The following FAM53B variants were observed in gnomAD, a reference collection of about 807,000 sequenced individuals.
FAM53B encodes family with sequence similarity 53 member B.
FAM53B carries 12 observed loss-of-function variants against 32.7 expected under a neutral mutation model. That is an observed-to-expected ratio of 0.37 (90% confidence interval 0.24 to 0.59). The LOEUF (loss-of-function observed/expected upper bound fraction) is 0.59, where lower values mean the gene tolerates loss of function less well. Among genes scored for constraint, FAM53B ranks in the 20% least tolerant of loss-of-function variants. The pLI, the probability that FAM53B is intolerant of heterozygous loss-of-function variation, is 0.72. For synonymous variants in FAM53B, 234 were observed against 228.7 expected (o/e 1.02, Z -0.21); for missense variants, 477 against 577.7 (o/e 0.83, Z 1.79).
intron 4 of FAM53B, among the ~76,000 whole-genome samples, chr10:124,640,104 C>T (rs1949460854): frequency 6.6e-6 from 1 of 152,240 alleles, no homozygotes; most frequent in African/African-American, 2.4e-5. Flanking sequence ...TAAAAATTCC[C>T]AACTACAAGG....
At position 124,624,980 on chromosome 10, in the gene FAM53B, A is replaced by G. The variant is rs200039929; in HGVS notation, c.907-1376T>C. Among the ~76,000 whole-genome samples the G allele has an allele frequency of 6.6e-5, 10 of 152,328 alleles. No individual in the cohort carries two copies. The East Asian group carries it at 1.9e-3, about 29-fold the overall frequency. ...TTCCAGCCTTTAGTTTCTTCCCAGCAGATGGGTGGGGACTGGGGAAGCAAA... is the reference window on the plus strand; with the variant it reads ...TTCCAGCCTTTAGTTTCTTCCCAGCGGATGGGTGGGGACTGGGGAAGCAAA... On this transcript the variant is annotated intron_variant, in intron 4 of 4. Transcript: ENST00000337318.
intron 3 of FAM53B, among the ~76,000 whole-genome samples, chr10:124,689,712 G>T (rs1486842203): frequency 6.6e-6 from 1 of 152,268 alleles, no homozygotes; most frequent in Non-Finnish European, 1.5e-5. Flanking sequence ...GCCCTTACCA[G>T]CAGAGTTGGG....
intron 4 of FAM53B, among the ~76,000 whole-genome samples, chr10:124,670,531 C>A (rs4962397): frequency 0.15 from 22,786 of 152,108 alleles, 2,394 homozygotes; most frequent in East Asian, 0.39. Flanking sequence ...GGAACCTGTC[C>A]CCCCAGCTTC....
chr10:124,683,396 T>C (rs1949784786), intron 3 of FAM53B, among the ~76,000 whole-genome samples: 1 of 152,202 alleles, frequency 6.6e-6, no homozygotes. Context: ...CTCGAGCCTA[T>C]ATATATTTAT....
At chr10:124,668,749 C>G (rs1052552230) in intron 4 of FAM53B, among the ~76,000 whole-genome samples, 1 of 152,278 alleles carries the variant, frequency 6.6e-6, no homozygotes, top group African/African-American at 2.4e-5. Context: ...GTGGGCCCAG[C>G]AAGTGTGCAC....
intron 1 of FAM53B, among the ~76,000 whole-genome samples, chr10:124,734,836 C>T (rs928564218): frequency 2.0e-5 from 3 of 152,220 alleles, no homozygotes; most frequent in African/African-American, 7.2e-5. Context: ...CGATGCTCAC[C>T]AGACCCAGGG....
chr10:124,698,744 C>T (rs866180077), intron 2 of FAM53B, among the ~76,000 whole-genome samples: 3 of 152,154 alleles, frequency 2.0e-5, no homozygotes, highest in Non-Finnish European at 2.9e-5. Context: ...ACCGCTCTTA[C>T]AGCCTGTACC....
chr10:124,738,780 C>T (rs1432938516), intron 1 of FAM53B, among the ~76,000 whole-genome samples: 1 of 152,078 alleles, frequency 6.6e-6, no homozygotes, highest in African/African-American at 2.4e-5. Context: ...TACTTTGAGA[C>T]ATCTGAATTA....
At chr10:124,725,712 G>A (rs778665561) in intron 1 of FAM53B, among the ~76,000 whole-genome samples, 1 of 152,226 alleles carries the variant, frequency 6.6e-6, no homozygotes, top group African/African-American at 2.4e-5. Flanking sequence ...GATGGTGTGT[G>A]TTAGTGATAG....
chr10:124,659,616 A>G (rs1192028929), intron 4 of FAM53B, among the ~76,000 whole-genome samples: 1 of 152,240 alleles, frequency 6.6e-6, no homozygotes, highest in Non-Finnish European at 1.5e-5. Context: ...CAGCCAGCTG[A>G]GGCTTTTAAA....
chr10:124,657,909 A>G (rs1035001761), intron 4 of FAM53B, among the ~76,000 whole-genome samples: 7 of 152,212 alleles, frequency 4.6e-5, no homozygotes, highest in African/African-American at 1.7e-4. Context: ...GCTTGCAGCC[A>G]GCCTACTCCA....
chr10:124,623,179 T>TA lies in FAM53B; in HGVS notation c.*62dup. 2 of 1,510,412 alleles carry TA rather than the reference T, an allele frequency of 1.3e-6. No homozygotes were observed. Among genetic ancestry groups the TA allele is most frequent in the East Asian group, 4.6e-5 (2 of 43,250 alleles). 93.6% of individuals were successfully genotyped at this position (1,510,412 alleles called of 1,614,324 possible). On this transcript the variant is annotated 3_prime_UTR_variant, in exon 5 of 5. Transcript: ENST00000337318. ...TTGGGCTCCCCTTCAAGGGCCCACC[T>TA]AGTGCCCAGAGTGGGGGCTGTCGAT...
intron 4 of FAM53B, among the ~76,000 whole-genome samples, chr10:124,675,661 C>T (rs746509662): frequency 1.4e-4 from 22 of 152,340 alleles, no homozygotes; most frequent in African/African-American, 3.6e-4. Context: ...TATCTGACTC[C>T]GAAGCTCCCA....
chr10:124,701,034 T>C (rs370779527), intron 2 of FAM53B, among the ~76,000 whole-genome samples: 1 of 152,246 alleles, frequency 6.6e-6, no homozygotes, highest in Non-Finnish European at 1.5e-5. Flanking sequence ...ACGCTGGCCC[T>C]GACTCCTGAG....
At chr10:124,639,280 G>A (rs559910769) in intron 4 of FAM53B, among the ~76,000 whole-genome samples, 1 of 152,296 alleles carries the variant, frequency 6.6e-6, no homozygotes, top group South Asian at 2.1e-4. Flanking sequence ...CCAGGTTCAG[G>A]CACTCAGGAA....
intron 3 of FAM53B, among the ~76,000 whole-genome samples, chr10:124,690,378 C>T (rs1949826050): frequency 6.6e-6 from 1 of 152,228 alleles, no homozygotes; most frequent in Admixed American, 6.5e-5. Flanking sequence ...TGACAGAGCC[C>T]AGACGTCAAC....
chr10:124,739,519 G>A (rs1950189533), intron 1 of FAM53B, among the ~76,000 whole-genome samples: 2 of 152,244 alleles, frequency 1.3e-5, no homozygotes. Context: ...AAAAGAGTGA[G>A]TGGAGAAGTC....
chr10:124,692,113 A>G (rs1413402225), intron 3 of FAM53B, among the ~76,000 whole-genome samples: 7 of 152,354 alleles, frequency 4.6e-5, no homozygotes, highest in Admixed American at 2.6e-4. Context: ...AAGATGAGAA[A>G]GGAAGCCAAG....
intron 4 of FAM53B, among the ~76,000 whole-genome samples, chr10:124,662,131 C>T (rs1439946076): frequency 6.6e-6 from 1 of 152,226 alleles, no homozygotes; most frequent in Non-Finnish European, 1.5e-5. Context: ...CAGACCCCCT[C>T]CTGGGGAGTG....
Sources: gnomAD v4.1 joint callset for allele counts (sites outside exome capture counted in the v4.1 genomes callset) on GRCh38, gnomAD v4.1.1 for gene constraint, MANE v1.5 for transcripts, NCBI Gene and HGNC (gene_info 2026-07-23, HGNC 2026-07-21) for gene names.